The following CHCHD3 variants were observed in gnomAD, a reference collection of about 807,000 sequenced individuals.
CHCHD3 encodes coiled-coil-helix-coiled-coil-helix domain containing 3.
A neutral mutation model predicts 38.2 loss-of-function variants in CHCHD3; 20 were observed. The observed-to-expected ratio is 0.52, with a 90% CI of 0.37 to 0.76. CHCHD3 has a LOEUF of 0.76. Ranked by LOEUF, CHCHD3 falls within the 30% of genes least tolerant of loss-of-function variation. CHCHD3 has a pLI of 0.00. For missense variants in CHCHD3, 245 were observed against 279.2 expected (o/e 0.88, Z 0.87); for synonymous variants, 82 against 100.0 (o/e 0.82, Z 1.07).
At chr7:132,892,443 A>G (rs1809385502) in intron 4 of CHCHD3, among the ~76,000 whole-genome samples, 1 of 152,206 alleles carries the variant, frequency 6.6e-6, no homozygotes, top group South Asian at 2.1e-4. Context: ...GCAGGGCATA[A>G]AAGTTTGGAA....
At chr7:132,958,351 GCAATCAC>G (rs1235608824) in intron 4 of CHCHD3, among the ~76,000 whole-genome samples, 3 of 151,802 alleles carry the variant, frequency 2.0e-5, no homozygotes, top group Non-Finnish European at 4.4e-5. Context: ...AGAGACTTTA[GCAATCAC>G]AGAAAAGCAT....
chr7:132,983,327 A>T (rs187975274), intron 3 of CHCHD3, among the ~76,000 whole-genome samples: 1 of 152,332 alleles, frequency 6.6e-6, no homozygotes. Flanking sequence ...TATCTCAAAC[A>T]AAAAGTTAAA....
chr7:132,820,611 G>GTTTTTTT (rs748470167), intron 6 of CHCHD3, among the ~76,000 whole-genome samples: 8 of 96,186 alleles, frequency 8.3e-5, no homozygotes, highest in Admixed American at 2.5e-4. Context: ...ATGTGCTAGT[G>GTTTTTTT]TTTTTTTTTT....
chr7:132,967,657 AT>A (rs1811502329), intron 4 of CHCHD3, among the ~76,000 whole-genome samples: 1 of 150,080 alleles, frequency 6.7e-6, no homozygotes, highest in African/African-American at 2.4e-5. Flanking sequence ...AAATAAATAA[AT>A]AAATAAATAA....
chr7:132,830,393 A>ATG (rs768083652), intron 6 of CHCHD3, among the ~76,000 whole-genome samples: 17 of 152,200 alleles, frequency 1.1e-4, no homozygotes, highest in Admixed American at 6.5e-4. Flanking sequence ...CTTTCCTAAA[A>ATG]TGGGAGCCAC....
chr7:132,890,356 C>A (rs111328701), intron 4 of CHCHD3, among the ~76,000 whole-genome samples: 3,389 of 152,246 alleles, frequency 0.022, 52 homozygotes, highest in Non-Finnish European at 0.034. Context: ...ATGAATATAA[C>A]ATACTGGGCT....
chr7:133,028,540 T>C (rs1376998753), intron 2 of CHCHD3, among the ~76,000 whole-genome samples: 2 of 151,642 alleles, frequency 1.3e-5, no homozygotes, highest in South Asian at 2.1e-4. Context: ...CATGAATGGG[T>C]TAATCCATGC....
chr7:133,011,920 A>T (rs1812884767), intron 3 of CHCHD3, among the ~76,000 whole-genome samples: 1 of 152,196 alleles, frequency 6.6e-6, no homozygotes, highest in South Asian at 2.1e-4. Context: ...CCTGACATTT[A>T]TTGAATGGTT....
intron 4 of CHCHD3, among the ~76,000 whole-genome samples, chr7:132,908,762 A>G (rs1289981532): frequency 1.3e-5 from 2 of 152,246 alleles, no homozygotes; most frequent in African/African-American, 4.8e-5. Flanking sequence ...GTCTGGGGAA[A>G]GCTGCTTCTA....
intron 4 of CHCHD3, among the ~76,000 whole-genome samples, chr7:132,928,200 T>C (rs1272838685): frequency 6.6e-6 from 1 of 152,032 alleles, no homozygotes; most frequent in Non-Finnish European, 1.5e-5. Flanking sequence ...GGATAAAGGA[T>C]AAAAAGTGAA....
chr7:133,065,385 G>A (rs1481441883), intron 2 of CHCHD3, among the ~76,000 whole-genome samples: 6 of 152,096 alleles, frequency 3.9e-5, no homozygotes, highest in African/African-American at 9.7e-5. Flanking sequence ...CTTTCTTATA[G>A]TATAAAATGT....
intron 6 of CHCHD3, among the ~76,000 whole-genome samples, chr7:132,825,486 G>A (rs770233426): frequency 3.9e-5 from 6 of 152,158 alleles, no homozygotes; most frequent in Non-Finnish European, 8.8e-5. Flanking sequence ...CCCACTTCTT[G>A]TCAATTAACC....
intron 4 of CHCHD3, among the ~76,000 whole-genome samples, chr7:132,923,273 T>C (rs1440583889): frequency 1.3e-5 from 2 of 152,206 alleles, no homozygotes; most frequent in South Asian, 4.1e-4. Context: ...AAAGTTGGGT[T>C]GATATTTCAT....
chr7:133,044,218 A>G (rs534728908), intron 2 of CHCHD3, among the ~76,000 whole-genome samples: 1 of 152,346 alleles, frequency 6.6e-6, no homozygotes, highest in South Asian at 2.1e-4. Flanking sequence ...AAAACTCACT[A>G]GACATTTAAA....
At chr7:132,822,322 A>G (rs537468170) in intron 6 of CHCHD3, among the ~76,000 whole-genome samples, 2 of 152,332 alleles carry the variant, frequency 1.3e-5, no homozygotes, top group South Asian at 2.1e-4. Context: ...AGGGAATTAC[A>G]AACTAGCAGC....
intron 3 of CHCHD3, among the ~76,000 whole-genome samples, chr7:133,015,840 A>C (rs1813015170): frequency 6.6e-6 from 1 of 152,224 alleles, no homozygotes; most frequent in South Asian, 2.1e-4. Context: ...CAGGCTGTAC[A>C]GGAAGCATGG....
intron 5 of CHCHD3, among the ~76,000 whole-genome samples, chr7:132,857,988 T>C (rs1808385275): frequency 6.6e-6 from 1 of 152,202 alleles, no homozygotes; most frequent in Non-Finnish European, 1.5e-5. Context: ...GGCACACTTG[T>C]CTGTATTCCT....
At chr7:132,981,713 G>C (rs1811922634) in intron 3 of CHCHD3, among the ~76,000 whole-genome samples, 1 of 152,118 alleles carries the variant, frequency 6.6e-6, no homozygotes, top group Non-Finnish European at 1.5e-5. Context: ...TACAATTCTA[G>C]CTTAGAAAAT....
At chr7:133,046,675 G>A (rs1444702746) in intron 2 of CHCHD3, among the ~76,000 whole-genome samples, 8 of 152,104 alleles carry the variant, frequency 5.3e-5, no homozygotes, top group East Asian at 1.9e-4. Flanking sequence ...CCATTCTCCC[G>A]CCTCAGCCTC....
Sources: gnomAD v4.1 joint callset for allele counts (sites outside exome capture counted in the v4.1 genomes callset) on GRCh38, gnomAD v4.1.1 for gene constraint, MANE v1.5 for transcripts, NCBI Gene and HGNC (gene_info 2026-07-23, HGNC 2026-07-21) for gene names.